Variants in ADAMTS15 observed in about 807,000 individuals in gnomAD.
ADAMTS15 encodes ADAM metallopeptidase with thrombospondin type 1 motif 15.
In ADAMTS15, 35 loss-of-function variants were observed where a neutral mutation model predicts 79.1. That is an observed-to-expected ratio of 0.44 (90% CI 0.34 to 0.59). The LOEUF is 0.59. ADAMTS15 is among the 20% of genes least tolerant of loss of function. The pLI is 0.02. For missense variants in ADAMTS15, 1,324 were observed against 1,318.7 expected (o/e 1.00, Z -0.06); for synonymous variants, 616 against 567.3 (o/e 1.09, Z -1.22).
intron 1 of ADAMTS15, among the ~76,000 whole-genome samples, chr11:130,458,777 C>A (rs1010389324): frequency 2.0e-5 from 3 of 152,208 alleles, no homozygotes; most frequent in South Asian, 4.1e-4. Flanking sequence ...GTGTGCAGGG[C>A]AGCCCAGAGG....
At position 130,470,938 on chromosome 11, in the gene ADAMTS15, G is replaced by A. The variant is rs760951777; in HGVS notation, c.1739G>A (p.Arg580Gln). 10 of 1,613,378 alleles carry A rather than the reference G, an allele frequency of 6.2e-6. No individual in the cohort carries two copies. Among genetic ancestry groups the A allele is most frequent in the Middle Eastern group, 1.6e-4 (1 of 6,076 alleles). ...TCCCTAGCCTCCGGAAAGAGCTTCC[G>A]GGAGGAGCAGTGTGAGGCTTTCAAC... ...CPSSASGKSF[R>Q]EEQCEAFNGY... The change falls in exon 6 of 8, where the codon CGG becomes CAG. Residue 580 changes from arginine to glutamine, a missense_variant. Transcript: ENST00000299164.
At chr11:130,457,017 G>T (rs1425441478) in intron 1 of ADAMTS15, among the ~76,000 whole-genome samples, 1 of 152,042 alleles carries the variant, frequency 6.6e-6, no homozygotes, top group Non-Finnish European at 1.5e-5. Context: ...TGGATCACTT[G>T]AGGCCAGGAG....
chr11:130,449,507 G>A lies in ADAMTS15; in HGVS notation c.534G>A (p.Ser178=). The A allele has an allele frequency of 6.4e-7, 1 of 1,554,664 alleles. No individual in the cohort carries two copies. Among genetic ancestry groups the A allele is most frequent in the Non-Finnish European group, 8.7e-7 (1 of 1,152,326 alleles). ...CCACCTCTCGCTGCGGGGTGGCCTCGGGCTGGAACCCCGCCATCCTACGGG... is the reference window on the plus strand; with the variant it reads ...CCACCTCTCGCTGCGGGGTGGCCTCAGGCTGGAACCCCGCCATCCTACGGG... ...GDPTSRCGVA[S]GWNPAILRAL... Residue 178 remains serine (S), a synonymous_variant, in exon 1 of 8, where the codon TCG becomes TCA. Transcript: ENST00000299164. This position sits in a 1 kb window ranked among gnomAD's most constrained non-coding sequence, Gnocchi z 7.8.
Position 130,449,335 on chromosome 11 carries a change from G to A in ADAMTS15, c.362G>A (p.Gly121Glu), listed in dbSNP as rs1412717310. 6.2e-7 allele frequency: 1 copy of A among 1,608,978 alleles called. No individual in the cohort carries two copies. The highest frequency in any genetic ancestry group is 1.7e-5 in the Admixed American group (1 of 60,034). Reference protein sequence around the residue: ...PDSFAAVSLCGGLRGAFGYRG... With the variant: ...PDSFAAVSLCEGLRGAFGYRG... ...TCGTTCGCTGCTGTGAGCCTGTGCG[G>A]GGGGCTCCGCGGAGCCTTTGGCTAC... Residue 121 changes from glycine (G) to glutamate (E), a missense_variant, in exon 1 of 8, where the codon GGG becomes GAG. Coordinates refer to ENST00000299164, the MANE Select transcript of ADAMTS15 (RefSeq NM_139055.4). The surrounding 1 kb of genome is among the most constrained non-coding windows in gnomAD (Gnocchi z 7.8).
At chr11:130,458,387 C>T (rs1264981198) in intron 1 of ADAMTS15, among the ~76,000 whole-genome samples, 2 of 152,174 alleles carry the variant, frequency 1.3e-5, no homozygotes, top group African/African-American at 4.8e-5. Context: ...AAGAGCGGGG[C>T]CGGGGAACAG....
chr11:130,470,166 A>ATATATATATATGTG (rs1938409032), intron 5 of ADAMTS15, among the ~76,000 whole-genome samples: 5 of 57,568 alleles, frequency 8.7e-5, no homozygotes, highest in Admixed American at 4.7e-4. Flanking sequence ...ATATATATAT[A>ATATATATATATGTG]TATATATATA....
At chr11:130,464,183 C>T (rs1358914966) in intron 4 of ADAMTS15, among the ~76,000 whole-genome samples, 3 of 152,152 alleles carry the variant, frequency 2.0e-5, no homozygotes, top group Admixed American at 6.5e-5. Flanking sequence ...GTGGCCAGTG[C>T]CTCGTCCTGA....
At chr11:130,470,873 C>G (rs376620808) in intron 5 of ADAMTS15, 47 bp from the exon 6 acceptor site, 3 of 1,583,622 alleles carry the variant, frequency 1.9e-6, no homozygotes, top group Middle Eastern at 2.0e-4. Flanking sequence ...TTTGCACCGG[C>G]CTTGTCCCTT....
rs2134740608 is a variant in ADAMTS15 at position 130,471,467 on chromosome 11, C to T, written c.2078+84C>T. ...CAGGGTATTGGAAGCTTGGGTTAGA[C>T]TGGGGTAAATGTCAGATCCAGCCAG... is the stretch of plus-strand genomic sequence containing the variant. On this transcript the variant is annotated intron_variant, in intron 7 of 7. Coordinates refer to ENST00000299164, the MANE Select transcript of ADAMTS15 (RefSeq NM_139055.4). 2.7e-6 allele frequency: 4 copies of T among 1,496,172 alleles called. No homozygotes were observed. In the South Asian group the frequency reaches 3.9e-5, roughly 15 times the overall value. 92.7% of individuals were successfully genotyped at this position (1,496,172 alleles called of 1,614,324 possible).
intron 4 of ADAMTS15, among the ~76,000 whole-genome samples, chr11:130,464,249 T>C (rs1006709499): frequency 6.6e-6 from 1 of 152,134 alleles, no homozygotes; most frequent in Non-Finnish European, 1.5e-5. Flanking sequence ...ATAGAGAAAA[T>C]GCAGTCTGAG....
intron 1 of ADAMTS15, among the ~76,000 whole-genome samples, chr11:130,460,861 CT>C (rs528832118): frequency 6.6e-6 from 1 of 152,186 alleles, no homozygotes; most frequent in Non-Finnish European, 1.5e-5. Flanking sequence ...ATGTATCTTT[CT>C]TCCTAGCAGC....
rs752462694 is a variant in ADAMTS15 at position 130,473,028 on chromosome 11, C to T, written c.2079-19C>T. On this transcript the variant is annotated intron_variant, in intron 7 of 7. Coordinates refer to ENST00000299164, the MANE Select transcript of ADAMTS15 (RefSeq NM_139055.4). ...GTCCAGGCTTCTATCTGATGCACGG[C>T]CCCCCTTTCCCCCGCCAGGCATGGC... is the stretch of plus-strand genomic sequence containing the variant. The T allele has an allele frequency of 5.0e-6, 8 of 1,610,396 alleles. No individual in the cohort carries two copies. Among genetic ancestry groups the T allele is most frequent in the South Asian group, 3.3e-5 (3 of 90,598 alleles).
intron 1 of ADAMTS15, 88 bp downstream of exon 1, chr11:130,450,018 G>T (rs1351225524): frequency 1.3e-6 from 2 of 1,530,670 alleles, no homozygotes; most frequent in Admixed American, 3.7e-5. Context: ...TTTGTATCGT[G>T]CAATGCCTCC....
chr11:130,452,543 A>G (rs551173716), intron 1 of ADAMTS15, among the ~76,000 whole-genome samples: 3 of 152,344 alleles, frequency 2.0e-5, no homozygotes, highest in East Asian at 1.9e-4. Context: ...CTCTGTCTTT[A>G]GGTCCAATAA....
rs1393085332 is a variant in ADAMTS15, at chr11:130,452,995, A to G, written c.957+3065A>G. Among the ~76,000 whole-genome samples the G allele has an allele frequency of 2.0e-5, 3 of 152,134 alleles. No homozygotes were observed. The South Asian group carries it at 6.2e-4, about 32-fold the overall frequency. On this transcript the variant is annotated intron_variant, in intron 1 of 7. Transcript: ENST00000299164. The stretch of plus-strand genomic sequence containing the variant: ...GCTCTGTCTCAAAAAAAAAAAAAAA[A>G]AAATTGCGGCCTCAGGTCCCCAGGA...
At chr11:130,451,968 A>T (rs1268694847) in intron 1 of ADAMTS15, among the ~76,000 whole-genome samples, 1 of 152,206 alleles carries the variant, frequency 6.6e-6, no homozygotes, top group African/African-American at 2.4e-5. Context: ...TTAGGTGCCT[A>T]GAGAGCAAAG....
chr11:130,455,141 C>T (rs1938050299), intron 1 of ADAMTS15, among the ~76,000 whole-genome samples: 1 of 152,176 alleles, frequency 6.6e-6, no homozygotes, highest in Non-Finnish European at 1.5e-5. Context: ...ATGATGATGA[C>T]ATGATACCTC....
rs1226970884 is a variant in ADAMTS15, at chr11:130,472,806, T to A, written c.2079-241T>A. On this transcript the variant is annotated intron_variant, in intron 7 of 7. Transcript: ENST00000299164. This position sits in a 1 kb window ranked among gnomAD's most constrained non-coding sequence, Gnocchi z 4.7. ...GGACTCAGTCCTCCCTGCAATTCAG[T>A]GAGGTGTGTGGAATTCTGAGCTCCA... Among the ~76,000 whole-genome samples, 1 of 152,090 alleles carries A rather than the reference T, an allele frequency of 6.6e-6. No homozygotes were observed. Among genetic ancestry groups the A allele is most frequent in the East Asian group, 1.9e-4 (1 of 5,168 alleles).
intron 2 of ADAMTS15, 48 bp downstream of exon 2, chr11:130,461,669 A>G: frequency 1.2e-6 from 2 of 1,608,982 alleles, no homozygotes; most frequent in Non-Finnish European, 8.5e-7. Context: ...TTGCCTGGGG[A>G]GCCTGGAGGG....
Sources: allele counts gnomAD v4.1 joint callset (sites outside exome capture counted in the v4.1 genomes callset), GRCh38; gene constraint gnomAD v4.1.1; non-coding constraint Gnocchi (gnomAD v3.1); transcripts MANE v1.5; gene names NCBI Gene and HGNC (gene_info 2026-07-23, HGNC 2026-07-21).